The following MGMT variants were observed in gnomAD, a reference collection of about 807,000 sequenced individuals.
MGMT encodes the protein O-6-methylguanine-DNA methyltransferase, also known as methylated-DNA--protein-cysteine methyltransferase.
MGMT carries 14 observed loss-of-function variants against 15.9 expected under a neutral mutation model. The ratio of observed to expected loss-of-function variants is 0.88; its 90% CI spans 0.58 to 1.37. The LOEUF is 1.37. Among genes scored for constraint, MGMT ranks in the 40% most tolerant of loss-of-function variants. The pLI is 0.00. For synonymous variants in MGMT, 130 were observed against 118.2 expected, an observed-to-expected ratio of 1.10 and a Z score of -0.65; for missense variants, 282 against 268.1, an observed-to-expected ratio of 1.05 and a Z score of -0.36.
intron 1 of MGMT, among the ~76,000 whole-genome samples, chr10:129,479,922 T>G (rs1218963453): frequency 6.6e-6 from 1 of 152,142 alleles, no homozygotes; most frequent in Non-Finnish European, 1.5e-5. Flanking sequence ...GAGTTATATA[T>G]TAATACCCCA....
intron 2 of MGMT, among the ~76,000 whole-genome samples, chr10:129,583,321 A>T (rs536936656): frequency 6.6e-6 from 1 of 152,348 alleles, no homozygotes; most frequent in East Asian, 1.9e-4. Context: ...TCATCAGAAG[A>T]CCTAATTCAT....
At chr10:129,591,479 G>A (rs1846684970) in intron 2 of MGMT, among the ~76,000 whole-genome samples, 2 of 152,188 alleles carry the variant, frequency 1.3e-5, no homozygotes, top group African/African-American at 2.4e-5. Flanking sequence ...GGTCAGAGAT[G>A]CCTCTGTAAC....
At chr10:129,623,187 T>C (rs1364920300) in intron 2 of MGMT, among the ~76,000 whole-genome samples, 1 of 152,180 alleles carries the variant, frequency 6.6e-6, no homozygotes, top group African/African-American at 2.4e-5. Flanking sequence ...GCCCTTGCGC[T>C]TAGGAGCATA....
chr10:129,543,151 G>A (rs1375236215), intron 2 of MGMT, among the ~76,000 whole-genome samples: 2 of 152,224 alleles, frequency 1.3e-5, no homozygotes, highest in Non-Finnish European at 2.9e-5. Flanking sequence ...GACACACAGT[G>A]CTGCACATGG....
chr10:129,649,361 C>G (rs931450401), intron 2 of MGMT, among the ~76,000 whole-genome samples: 10 of 151,564 alleles, frequency 6.6e-5, no homozygotes, highest in African/African-American at 2.2e-4. Context: ...GTAATGCAAA[C>G]TTAGAAAAAA....
chr10:129,652,929 A>G (rs1464157228), intron 2 of MGMT, among the ~76,000 whole-genome samples: 1 of 152,206 alleles, frequency 6.6e-6, no homozygotes, highest in Non-Finnish European at 1.5e-5. Context: ...CTGTGCTGGC[A>G]GCTCTGTCTT....
In MGMT at chr10:129,556,513, G is replaced by C. The variant is rs1846215673; in HGVS notation, c.125+20136G>C. Reference sequence around the variant, plus strand: ...CAGACTTGCAGCACCCAGGCTGCAGGGCTTCGTCAGGGCAGCCCTGGCGGA... The same window carrying C: ...CAGACTTGCAGCACCCAGGCTGCAGCGCTTCGTCAGGGCAGCCCTGGCGGA... On this transcript the variant is annotated intron_variant, in intron 2 of 4. Transcript: ENST00000651593. This position sits in a 1 kb window ranked among gnomAD's most constrained non-coding sequence, Gnocchi z 4.3. Among the ~76,000 whole-genome samples, 1 of 152,140 alleles carries C rather than the reference G, an allele frequency of 6.6e-6. No homozygotes were observed. The highest frequency in any genetic ancestry group is 2.1e-4 in the South Asian group (1 of 4,814).
chr10:129,469,830 C>T (rs1845210593), intron 1 of MGMT, among the ~76,000 whole-genome samples: 1 of 152,140 alleles, frequency 6.6e-6, no homozygotes, highest in Non-Finnish European at 1.5e-5. Context: ...CTTTGACCTC[C>T]CAAGTACCAG....
At chr10:129,477,090 T>TG in intron 1 of MGMT, among the ~76,000 whole-genome samples, 1 of 152,178 alleles carries the variant, frequency 6.6e-6, no homozygotes, top group South Asian at 2.1e-4. Flanking sequence ...GTTGGGTGAG[T>TG]GGGGGACTCG....
intron 4 of MGMT, among the ~76,000 whole-genome samples, chr10:129,760,530 C>T (rs1428593138): frequency 6.6e-6 from 1 of 152,198 alleles, no homozygotes; most frequent in East Asian, 1.9e-4. Context: ...ATTTCCAAAA[C>T]TACTTATATC....
At chr10:129,614,171 A>T (rs1392774016) in intron 2 of MGMT, among the ~76,000 whole-genome samples, 1 of 152,200 alleles carries the variant, frequency 6.6e-6, no homozygotes, top group Non-Finnish European at 1.5e-5. Context: ...CATAAGTGGT[A>T]CAGCCATTGT....
chr10:129,700,979 G>A (rs1388278387), intron 2 of MGMT: 1 of 152,244 alleles, frequency 6.6e-6, no homozygotes, highest in Non-Finnish European at 1.5e-5. Flanking sequence ...CTGCCCTTCA[G>A]TCCCGAAGCC....
intron 2 of MGMT, among the ~76,000 whole-genome samples, chr10:129,599,103 G>A (rs1462170503): frequency 1.3e-5 from 2 of 152,222 alleles, no homozygotes; most frequent in African/African-American, 4.8e-5. Context: ...CCCAAAGCCA[G>A]AGTAGGCTCA....
chr10:129,611,609 A>C (rs535215105), intron 2 of MGMT, among the ~76,000 whole-genome samples: 1 of 152,344 alleles, frequency 6.6e-6, no homozygotes, highest in African/African-American at 2.4e-5. Context: ...AGGGAGAAGC[A>C]GGGGCTTGCA....
intron 1 of MGMT, among the ~76,000 whole-genome samples, chr10:129,484,626 G>T (rs1182887540): frequency 1.3e-5 from 2 of 152,076 alleles, no homozygotes; most frequent in Non-Finnish European, 2.9e-5. Flanking sequence ...CTGATTGTGG[G>T]TTATATCCCT....
At chr10:129,721,398 A>G (rs149848464) in intron 3 of MGMT, among the ~76,000 whole-genome samples, 77 of 152,382 alleles carry the variant, frequency 5.1e-4, no homozygotes, top group African/African-American at 1.7e-3. Context: ...AAAGTCATAC[A>G]TGCATTTGTA....
At chr10:129,707,701 G>A (rs894878422) in intron 2 of MGMT, among the ~76,000 whole-genome samples, 194 bp from the exon 3 acceptor site, 23 of 152,204 alleles carry the variant, frequency 1.5e-4, no homozygotes, top group Admixed American at 1.4e-3. Context: ...AGGCCTGAAG[G>A]TGGAGAGTGG....
intron 3 of MGMT, among the ~76,000 whole-genome samples, chr10:129,736,491 C>T (rs2133167123): frequency 6.8e-6 from 1 of 146,748 alleles, no homozygotes; most frequent in East Asian, 2.1e-4. Flanking sequence ...ATACAGCACA[C>T]TGATGGGTCT....
intron 2 of MGMT, among the ~76,000 whole-genome samples, chr10:129,588,706 C>G (rs894590991): frequency 2.0e-5 from 3 of 152,254 alleles, no homozygotes; most frequent in African/African-American, 7.2e-5. Flanking sequence ...TCAGCCCATA[C>G]TCTCCTCTGT....
Sources: gnomAD v4.1 joint callset for allele counts (sites outside exome capture counted in the v4.1 genomes callset) on GRCh38, gnomAD v4.1.1 for gene constraint, Gnocchi (gnomAD v3.1) non-coding constraint, MANE v1.5 for transcripts, NCBI Gene and HGNC (gene_info 2026-07-23, HGNC 2026-07-21) for gene names.